The following MROH7 variants were observed in gnomAD, a reference collection of about 807,000 sequenced individuals.
MROH7 encodes maestro heat-like repeat-containing protein family member 7.
Under a neutral mutation model 129.2 loss-of-function variants are expected in MROH7, and 113 were observed. The ratio of observed to expected loss-of-function variants is 0.87; its 90% CI spans 0.75 to 1.02. The LOEUF (loss-of-function observed/expected upper bound fraction) is 1.02, where lower values mean the gene tolerates loss of function less well. Among genes scored for constraint, MROH7 ranks in the 50% least tolerant of loss-of-function variants. The pLI is 0.00. For missense variants in MROH7, 1,601 were observed against 1,671.3 expected, an observed-to-expected ratio of 0.96 and a Z score of 0.73; for synonymous variants, 655 against 667.9, an observed-to-expected ratio of 0.98 and a Z score of 0.30.
chr1:54,694,170 C>T (rs547231074), intron 16 of MROH7, among the ~76,000 whole-genome samples: 43 of 152,196 alleles, frequency 2.8e-4, no homozygotes, highest in Non-Finnish European at 6.0e-4. Flanking sequence ...GCGTGAGCCA[C>T]GTCCCTCGGT....
chr1:54,668,504 T>A (rs1007559816), intron 4 of MROH7, among the ~76,000 whole-genome samples: 1 of 152,220 alleles, frequency 6.6e-6, no homozygotes, highest in Non-Finnish European at 1.5e-5. Flanking sequence ...CTGACTTGTA[T>A]GTACTGGGAG....
intron 17 of MROH7, chr1:54,695,712 G>T: frequency 1.7e-6 from 1 of 584,222 alleles, no homozygotes. Context: ...CTAGTGCCCA[G>T]GGAACCACCA....
intron 22 of MROH7, among the ~76,000 whole-genome samples, chr1:54,707,220 G>A (rs1413392196): frequency 6.6e-6 from 1 of 152,154 alleles, no homozygotes; most frequent in African/African-American, 2.4e-5. Flanking sequence ...GCAAGTGGGT[G>A]TGTCTCCTCC....
intron 17 of MROH7, chr1:54,699,098 C>CTTTTTTTTT (rs1398016916): frequency 0.01 from 411 of 40,768 alleles, 20 homozygotes; most frequent in African/African-American, 0.03. Context: ...CTGGCCTTTT[C>CTTTTTTTTT]TTTCTTTCTT....
intron 3 of MROH7, 53 bp downstream of exon 3, chr1:54,654,210 C>G: frequency 6.8e-7 from 1 of 1,481,382 alleles, no homozygotes; most frequent in Non-Finnish European, 9.0e-7. Flanking sequence ...GGAATTCTGT[C>G]TTCAGACTCT....
intron 1 of MROH7, among the ~76,000 whole-genome samples, chr1:54,647,904 C>CAA (rs35151019): frequency 1.8e-3 from 152 of 86,758 alleles, no homozygotes; most frequent in East Asian, 2.6e-3. Context: ...GACTCCATCT[C>CAA]AAAAAAAAAA....
At position 54,653,865 on chromosome 1, in the gene MROH7, C is replaced by T. The variant is rs1286968648; in HGVS notation, c.939C>T (p.Ser313=). ...GSSYGISLHS[S]THEPNSTISP... ...GCTATGGTATCAGCCTGCACTCCAGCACCCATGAGCCCAACTCCACCATCT... is the reference window on the plus strand; with the variant it reads ...GCTATGGTATCAGCCTGCACTCCAGTACCCATGAGCCCAACTCCACCATCT... The change falls in exon 3 of 24, where the codon AGC becomes AGT. Residue 313 remains serine (S), a synonymous_variant. Transcript: ENST00000421030. 8 of 1,614,080 alleles carry T rather than the reference C, an allele frequency of 5.0e-6. No individual in the cohort carries two copies. In the South Asian group the frequency reaches 8.8e-5, roughly 18 times the overall value.
rs553585418 is a variant in MROH7 at position 54,663,271 on chromosome 1, A to G, written c.1232-1896A>G. Among the ~76,000 whole-genome samples the G allele has an allele frequency of 2.0e-5, 3 of 152,200 alleles. No homozygotes were observed. In the East Asian group the frequency reaches 5.8e-4, roughly 29 times the overall value. ...ATGGGCTATAATCCGTTTTTTTCAC[A>G]ATTTATTGTGATACTCAACTTTTTC... On this transcript the variant is annotated intron_variant, in intron 3 of 23. Transcript: ENST00000421030.
chr1:54,652,763 G>A (rs780556161), intron 2 of MROH7, 90 bp from the exon 3 acceptor site: 1 of 960,490 alleles, frequency 1.0e-6, no homozygotes, highest in Non-Finnish European at 1.5e-6. Context: ...GTAAGTCACA[G>A]CAAGGGGCTT....
chr1:54,675,264 C>T (rs1178721847), intron 10 of MROH7, among the ~76,000 whole-genome samples: 6 of 152,324 alleles, frequency 3.9e-5, no homozygotes, highest in African/African-American at 1.4e-4. Context: ...GCAGGAGCCA[C>T]CATGCCTAGC....
chr1:54,674,665 G>T (rs1569917978), intron 10 of MROH7, among the ~76,000 whole-genome samples: 1 of 152,194 alleles, frequency 6.6e-6, no homozygotes, highest in East Asian at 1.9e-4. Flanking sequence ...GTAGTTGGGA[G>T]AACTTTCCTT....
intron 3 of MROH7, among the ~76,000 whole-genome samples, chr1:54,654,729 T>C (rs1644615396): frequency 1.3e-5 from 2 of 152,290 alleles, no homozygotes; most frequent in African/African-American, 2.4e-5. Context: ...ATTATGTCTA[T>C]TGTATCAACA....
At chr1:54,671,033 C>T (rs1164461915) in intron 7 of MROH7, 104 bp downstream of exon 7, 1 of 1,287,798 alleles carries the variant, frequency 7.8e-7, no homozygotes, top group Non-Finnish European at 1.0e-6. Flanking sequence ...TTGGGCAATT[C>T]AACTGACTTC....
rs148376294 is a variant in MROH7, at chr1:54,649,782, A to G, written c.-109-2167A>G. Reference sequence around the variant, plus strand: ...CGTTTACACACGGGTGGCAGAGATCATTAAGGGAAGATTCACGCTCCTCCT... The same window carrying G: ...CGTTTACACACGGGTGGCAGAGATCGTTAAGGGAAGATTCACGCTCCTCCT... On this transcript the variant is annotated intron_variant, in intron 1 of 23. Coordinates refer to ENST00000421030, the MANE Select transcript of MROH7 (RefSeq NM_001039464.4). 3.5e-3 allele frequency among the ~76,000 whole-genome samples: 536 copies of G among 152,360 alleles called. 6 individuals carry two copies. The highest frequency in any genetic ancestry group is 0.012 in the African/African-American group (515 of 41,586).
Position 54,692,477 on chromosome 1 carries a change from A to T in MROH7, c.2765A>T (p.Glu922Val), listed in dbSNP as rs1210064879. ...TLLLRMGCSY[E>V]TTFLEDQGGW... ...CTACTGAGGATGGGCTGCTCTTATG[A>T]GACCACGTTTCTGGAGGACCAGGGT... The change falls in exon 16 of 24, where the codon GAG becomes GTG. Residue 922 changes from glutamate (E) to valine (V), a missense_variant. By Grantham distance (121) the Glu-to-Val change is moderately radical (BLOSUM62 -2). Transcript: ENST00000421030. 3 of 1,613,980 alleles carry T rather than the reference A, an allele frequency of 1.9e-6. No individual in the cohort carries two copies. Among genetic ancestry groups the T allele is most frequent in the African/African-American group, 1.3e-5 (1 of 74,904 alleles).
At chr1:54,650,069 A>G (rs1644531360) in intron 1 of MROH7, among the ~76,000 whole-genome samples, 1 of 152,212 alleles carries the variant, frequency 6.6e-6, no homozygotes, top group Non-Finnish European at 1.5e-5. Context: ...TGAGTGCCTT[A>G]TTCCTTTCTG....
At chr1:54,668,975 G>A in intron 5 of MROH7, 38 bp downstream of exon 5, 1 of 1,468,656 alleles carries the variant, frequency 6.8e-7, no homozygotes. Context: ...CATTGGGGTG[G>A]GAGGGGGCAG....
chr1:54,708,430 A>C (rs1184987217), intron 22 of MROH7, among the ~76,000 whole-genome samples: 1 of 152,014 alleles, frequency 6.6e-6, no homozygotes, highest in African/African-American at 2.4e-5. Flanking sequence ...ACAAACAAAC[A>C]AACAAACAAA....
At chr1:54,683,464 C>T (rs1037628813) in intron 14 of MROH7, among the ~76,000 whole-genome samples, 5 of 152,194 alleles carry the variant, frequency 3.3e-5, no homozygotes, top group Admixed American at 2.6e-4. Context: ...TGGTCCATGC[C>T]AGTTGGTCCA....
Sources: allele counts gnomAD v4.1 joint callset (sites outside exome capture counted in the v4.1 genomes callset), GRCh38; gene constraint gnomAD v4.1.1; transcripts MANE v1.5; gene names NCBI Gene and HGNC (gene_info 2026-07-23, HGNC 2026-07-21).